The following CHN2 variants were observed in gnomAD, a reference collection of about 807,000 sequenced individuals.
CHN2 encodes the protein beta-chimaerin.
Under a neutral mutation model 56.3 loss-of-function variants are expected in CHN2, and 35 were observed. The ratio of observed to expected loss-of-function variants is 0.62; its 90% confidence interval spans 0.47 to 0.82. The LOEUF (loss-of-function observed/expected upper bound fraction) is 0.82, where lower values mean the gene tolerates loss of function less well. CHN2 is among the 40% of genes least tolerant of loss of function. CHN2 has a pLI of 0.00. For missense variants in CHN2, 491 were observed against 580.5 expected, an observed-to-expected ratio of 0.85 and a Z score of 1.58; for synonymous variants, 210 against 212.8, an observed-to-expected ratio of 0.99 and a Z score of 0.12.
rs566913831 is a variant in CHN2 at position 29,174,197 on chromosome 7, C to T, written c.274+27237C>T. Among the ~76,000 whole-genome samples the T allele has an allele frequency of 2.4e-4, 36 of 152,204 alleles. No homozygotes were observed. In the South Asian group the frequency reaches 6.8e-3, roughly 29 times the overall value. On this transcript the variant is annotated intron_variant, in intron 2 of 6. Transcript: ENST00000439384. ...TGCCCCCACACCTTGATGCTCCTCT[C>T]ATGGGAGCAAAAGCCTTAATTAAGC...
intron 2 of CHN2, among the ~76,000 whole-genome samples, chr7:29,163,557 A>G (rs995408629): frequency 6.6e-6 from 1 of 152,084 alleles, no homozygotes; most frequent in African/African-American, 2.4e-5. Flanking sequence ...TTTTTTTTAC[A>G]ATCTTATTAA....
intron 1 of CHN2, among the ~76,000 whole-genome samples, chr7:29,203,802 C>T (rs1004262359): frequency 6.6e-6 from 1 of 152,130 alleles, no homozygotes; most frequent in Non-Finnish European, 1.5e-5. Flanking sequence ...TGGTTTTAGT[C>T]CCAGACATTG....
At chr7:29,391,578 A>G (rs1317664844) in intron 3 of CHN2, among the ~76,000 whole-genome samples, 2 of 152,004 alleles carry the variant, frequency 1.3e-5, no homozygotes. Context: ...AGTGGTTTTC[A>G]TTTTCAGAAG....
At chr7:29,427,656 CTTTTTTTTT>C (rs754677450) in intron 6 of CHN2, among the ~76,000 whole-genome samples, 4 of 120,366 alleles carry the variant, frequency 3.3e-5, no homozygotes, top group East Asian at 4.9e-4. Flanking sequence ...ATTTTTTATT[CTTTTTTTTT>C]TTTTTTTTTT....
intron 7 of CHN2, among the ~76,000 whole-genome samples, chr7:29,494,552 T>TA (rs1476549429): frequency 6.6e-6 from 1 of 152,132 alleles, no homozygotes; most frequent in African/African-American, 2.4e-5. Context: ...GCATTCCTGT[T>TA]AAAAAATGCT....
intron 1 of CHN2, among the ~76,000 whole-genome samples, chr7:29,287,001 A>G (rs1256301908): frequency 1.3e-5 from 2 of 152,126 alleles, no homozygotes; most frequent in Non-Finnish European, 2.9e-5. Context: ...TACCATCTCT[A>G]ATAACTATCT....
chr7:29,298,762 T>C (rs1310923254), intron 1 of CHN2, among the ~76,000 whole-genome samples: 2 of 152,184 alleles, frequency 1.3e-5, no homozygotes, highest in African/African-American at 2.4e-5. Context: ...AGCAGGTTAG[T>C]TTAAAAATGT....
upstream of CHN2, chr7:29,193,600 G>A (rs1783178175): frequency 6.6e-6 from 1 of 152,096 alleles, no homozygotes; most frequent in African/African-American, 2.4e-5. Context: ...TAGCCCGCTG[G>A]GAGCGTGAAA....
At chr7:29,470,895 G>C (rs1414565568) in intron 6 of CHN2, among the ~76,000 whole-genome samples, 1 of 152,144 alleles carries the variant, frequency 6.6e-6, no homozygotes, top group East Asian at 1.9e-4. Context: ...GGCCAGAAGT[G>C]GGGAGTTGCG....
At chr7:29,462,622 A>G (rs1785245961) in intron 6 of CHN2, among the ~76,000 whole-genome samples, 1 of 152,170 alleles carries the variant, frequency 6.6e-6, no homozygotes, top group Non-Finnish European at 1.5e-5. Context: ...GCTTCCCCCA[A>G]ACATGGCAGC....
At chr7:29,498,454 GT>G (rs914964005) in intron 8 of CHN2, among the ~76,000 whole-genome samples, 3 of 151,786 alleles carry the variant, frequency 2.0e-5, no homozygotes, top group African/African-American at 7.3e-5. Context: ...AACTGTTTTT[GT>G]TTTTTTTATT....
chr7:29,440,694 A>AAT (rs1162789238), intron 6 of CHN2, among the ~76,000 whole-genome samples: 8 of 127,512 alleles, frequency 6.3e-5, no homozygotes, highest in African/African-American at 3.1e-4. Context: ...CAAAAAAAAA[A>AAT]AAAAAAAAAA....
intron 2 of CHN2, among the ~76,000 whole-genome samples, chr7:29,163,267 T>A (rs996578641): frequency 6.6e-6 from 1 of 152,196 alleles, no homozygotes; most frequent in Non-Finnish European, 1.5e-5. Flanking sequence ...ATACTGGATT[T>A]TGAAGACTTA....
chr7:29,276,797 A>C (rs1041082616), intron 1 of CHN2, among the ~76,000 whole-genome samples: 1 of 152,208 alleles, frequency 6.6e-6, no homozygotes, highest in African/African-American at 2.4e-5. Flanking sequence ...ATATGATGCC[A>C]GTTTGAGGTG....
chr7:29,289,265 C>T (rs1487143649), intron 1 of CHN2: 1 of 152,194 alleles, frequency 6.6e-6, no homozygotes, highest in African/African-American at 2.4e-5. Context: ...TTGTGTGAGG[C>T]TCGGCCACTT....
chr7:29,240,587 A>G (rs1787577580), intron 1 of CHN2, among the ~76,000 whole-genome samples: 1 of 152,198 alleles, frequency 6.6e-6, no homozygotes, highest in African/African-American at 2.4e-5. Context: ...CAGAAAAAAG[A>G]TAAAATGCCA....
rs181792706 is a variant in CHN2, at chr7:29,326,413, C to T, written c.50-28212C>T. 1.0e-3 allele frequency among the ~76,000 whole-genome samples: 159 copies of T among 152,292 alleles called. 9 individuals are homozygous for T. In the East Asian group the frequency reaches 0.029, roughly 27 times the overall value. ...CCTTGTGATCCGCCTGCCTTGGCTT[C>T]CCAAAGTGTTGGGATTACAGGTGTC... On this transcript the variant is annotated intron_variant, in intron 1 of 12. Transcript: ENST00000222792.
At chr7:29,295,172 T>C (rs1320106466) in intron 1 of CHN2, among the ~76,000 whole-genome samples, 1 of 152,102 alleles carries the variant, frequency 6.6e-6, no homozygotes, top group Non-Finnish European at 1.5e-5. Flanking sequence ...TAGGGAATAA[T>C]GACAAAGAAA....
rs569795818 is a variant in CHN2 at position 29,325,516 on chromosome 7, G to A, written c.50-29109G>A. ...CCAATTGTCTCAGGCCTTCTTTGAT[G>A]TTCTCCTGGTTCTGAGCCTCACAAA... On this transcript the variant is annotated intron_variant, in intron 1 of 12. Transcript: ENST00000222792. Among the ~76,000 whole-genome samples, 76 of 152,284 alleles carry A rather than the reference G, an allele frequency of 5.0e-4. No individual in the cohort carries two copies. In the South Asian group the frequency reaches 0.015, roughly 30 times the overall value.
Sources: gnomAD v4.1 joint callset for allele counts (sites outside exome capture counted in the v4.1 genomes callset) on GRCh38, gnomAD v4.1.1 for gene constraint, MANE v1.5 for transcripts, NCBI Gene and HGNC (gene_info 2026-07-23, HGNC 2026-07-21) for gene names.